The following LRRIQ3 variants were observed in gnomAD, a reference collection of about 807,000 sequenced individuals.
LRRIQ3 encodes leucine rich repeats and IQ motif containing 3.
In LRRIQ3, 75 loss-of-function variants were observed where a neutral mutation model predicts 59.3. The observed-to-expected ratio is 1.26, with a 90% CI of 1.05 to 1.53. LRRIQ3 has a LOEUF of 1.53. LRRIQ3 is among the 40% of genes most tolerant of loss of function. The probability of loss-of-function intolerance (pLI) is 0.00; values close to 1 mark genes in which losing one functional copy is unlikely to be tolerated. For missense variants in LRRIQ3, 831 were observed against 710.0 expected, an observed-to-expected ratio of 1.17 and a Z score of -1.94; for synonymous variants, 250 against 231.3, an observed-to-expected ratio of 1.08 and a Z score of -0.73.
intron 4 of LRRIQ3, among the ~76,000 whole-genome samples, chr1:74,140,403 G>A (rs1359586462): frequency 6.6e-6 from 1 of 151,502 alleles, no homozygotes; most frequent in African/African-American, 2.4e-5. Context: ...TAATAACATA[G>A]TTCAAAATAT....
At chr1:74,189,639 T>C (rs1431880921) in intron 1 of LRRIQ3, among the ~76,000 whole-genome samples, 1 of 152,122 alleles carries the variant, frequency 6.6e-6, no homozygotes, top group African/African-American at 2.4e-5. Context: ...CAGTGGGAGA[T>C]AATTGAATGA....
chr1:74,071,535 C>T (rs1655029106), intron 6 of LRRIQ3, among the ~76,000 whole-genome samples: 1 of 152,078 alleles, frequency 6.6e-6, no homozygotes, highest in Admixed American at 6.6e-5. Flanking sequence ...AAGAGAGGAC[C>T]TAGAAAGCTA....
In LRRIQ3 at chr1:74,154,290, A is replaced by T. The variant is rs1423869565; in HGVS notation, c.707+1443T>A. Among the ~76,000 whole-genome samples, 7 of 146,200 alleles carry T rather than the reference A, an allele frequency of 4.8e-5. No homozygotes were observed. The South Asian group carries it at 1.5e-3, about 31-fold the overall frequency. ...AAAAAAAAAAAAAAATGTAATATCT[A>T]CTTTTGTCAGGTGCTAAGAGCATTA... On this transcript the variant is annotated intron_variant, in intron 4 of 7. Transcript: ENST00000354431.
At chr1:74,069,354 A>G (rs2100464417) in intron 6 of LRRIQ3, among the ~76,000 whole-genome samples, 1 of 152,118 alleles carries the variant, frequency 6.6e-6, no homozygotes, top group Admixed American at 6.6e-5. Context: ...TTCAGTATAA[A>G]TCAAGAAATT....
rs1034634627 is a variant in LRRIQ3 at position 74,041,848 on chromosome 1, T to C, written c.1083A>G (p.Ser361=). ...ISVFKLPIYT[S]GSLKNNAVLR... ...ATACTGCATTATTCTTCAATGAACC[T>C]GAAGTGTATATGGGTAGTTTGAAAA... The change falls in exon 7 of 8, where the codon TCA becomes TCG. Residue 361 remains serine (S), a synonymous_variant. Transcript: ENST00000354431. The C allele has an allele frequency of 2.5e-6, 4 of 1,613,422 alleles. No homozygotes were observed. Among genetic ancestry groups the C allele is most frequent in the Non-Finnish European group, 3.4e-6 (4 of 1,179,686 alleles).
At chr1:74,139,459 T>C (rs1015356683) in intron 4 of LRRIQ3, among the ~76,000 whole-genome samples, 1 of 151,896 alleles carries the variant, frequency 6.6e-6, no homozygotes, top group South Asian at 2.1e-4. Context: ...CCAAATTCTC[T>C]AATCCTCTGT....
At chr1:74,109,706 T>G (rs1490921025) in intron 4 of LRRIQ3, among the ~76,000 whole-genome samples, 153 bp from the exon 5 acceptor site, 1 of 151,794 alleles carries the variant, frequency 6.6e-6, no homozygotes, top group East Asian at 1.9e-4. Context: ...ATAATGCTAC[T>G]TAGTAACTAA....
chr1:74,100,813 A>T (rs1018805919), intron 5 of LRRIQ3, among the ~76,000 whole-genome samples: 1 of 152,064 alleles, frequency 6.6e-6, no homozygotes, highest in East Asian at 2.0e-4. Context: ...TGGGGAAAGG[A>T]TTCCCTATTT....
Position 74,036,879 on chromosome 1 carries a change from A to G in LRRIQ3, c.1718+4334T>C, listed in dbSNP as rs150445894. Among the ~76,000 whole-genome samples, 70 of 152,356 alleles carry G rather than the reference A, an allele frequency of 4.6e-4. No homozygotes were observed. The East Asian group carries it at 0.013, about 29-fold the overall frequency. On this transcript the variant is annotated intron_variant, in intron 7 of 7. Transcript: ENST00000354431. ...CTGCCATGAATTAAGCACTTGTACT[A>G]AGAAGTTTACTTAGTCTAATGATTA...
intron 5 of LRRIQ3, among the ~76,000 whole-genome samples, chr1:74,075,748 T>A (rs1256056159): frequency 6.6e-6 from 1 of 152,108 alleles, no homozygotes; most frequent in Non-Finnish European, 1.5e-5. Flanking sequence ...TCCAGGACTG[T>A]TACGGAGCTT....
intron 6 of LRRIQ3, among the ~76,000 whole-genome samples, chr1:74,060,492 C>A (rs1654691745): frequency 6.6e-6 from 1 of 151,980 alleles, no homozygotes; most frequent in East Asian, 1.9e-4. Flanking sequence ...ATATAAATTT[C>A]ATTCTCAGCA....
chr1:74,095,235 T>G (rs1646436651), intron 5 of LRRIQ3: 1 of 151,936 alleles, frequency 6.6e-6, no homozygotes, highest in Non-Finnish European at 1.5e-5. Flanking sequence ...ATGGAAGGAG[T>G]GAAGAACTCT....
At chr1:74,076,285 G>T (rs1377682961) in intron 5 of LRRIQ3, among the ~76,000 whole-genome samples, 1 of 152,020 alleles carries the variant, frequency 6.6e-6, no homozygotes, top group East Asian at 1.9e-4. Context: ...TTGGTTTTGT[G>T]TATTTGTTTC....
At chr1:74,171,289 T>C (rs1267595919) in intron 3 of LRRIQ3, among the ~76,000 whole-genome samples, 1 of 152,162 alleles carries the variant, frequency 6.6e-6, no homozygotes. Flanking sequence ...TTTTTATATA[T>C]AGTCCTTATA....
At chr1:74,150,375 C>T (rs1294799511) in intron 4 of LRRIQ3, among the ~76,000 whole-genome samples, 2 of 152,094 alleles carry the variant, frequency 1.3e-5, no homozygotes, top group Admixed American at 6.5e-5. Context: ...ATAAGTAAAA[C>T]ATACAAATAT....
At chr1:74,096,129 AT>A (rs1646446384) in intron 5 of LRRIQ3, among the ~76,000 whole-genome samples, 1 of 152,082 alleles carries the variant, frequency 6.6e-6, no homozygotes, top group Non-Finnish European at 1.5e-5. Flanking sequence ...ACTGGTCTAT[AT>A]TTTTAAGAAT....
intron 4 of LRRIQ3, among the ~76,000 whole-genome samples, chr1:74,122,116 G>A (rs1038163911): frequency 2.6e-5 from 4 of 152,068 alleles, no homozygotes; most frequent in South Asian, 4.2e-4. Flanking sequence ...GGATGGCTGC[G>A]TCAAATGGTA....
At chr1:74,179,315 T>C (rs984225989) in intron 3 of LRRIQ3, among the ~76,000 whole-genome samples, 1 of 152,054 alleles carries the variant, frequency 6.6e-6, no homozygotes, top group African/African-American at 2.4e-5. Flanking sequence ...GAAATCATTT[T>C]ATGTCACAAT....
At chr1:74,174,278 C>A (rs1649505821) in intron 3 of LRRIQ3, among the ~76,000 whole-genome samples, 1 of 151,324 alleles carries the variant, frequency 6.6e-6, no homozygotes, top group African/African-American at 2.4e-5. Flanking sequence ...TTCACTAATT[C>A]TTTCTTCTGC....
Sources: gnomAD v4.1 joint callset for allele counts (sites outside exome capture counted in the v4.1 genomes callset) on GRCh38, gnomAD v4.1.1 for gene constraint, MANE v1.5 for transcripts, NCBI Gene and HGNC (gene_info 2026-07-23, HGNC 2026-07-21) for gene names.